DNAH6: variants seen among roughly 807,000 people sequenced by gnomAD.
DNAH6 encodes the protein dynein axonemal heavy chain 6.
DNAH6 carries 340 observed loss-of-function variants against 491.4 expected under a neutral mutation model. The ratio of observed to expected loss-of-function variants is 0.69; its 90% CI spans 0.63 to 0.76. The LOEUF is 0.76. DNAH6 is among the 30% of genes least tolerant of loss of function. DNAH6 has a pLI of 0.00. For missense variants in DNAH6, 4,443 were observed against 4,972.2 expected (o/e 0.89, Z 3.20); for synonymous variants, 1,603 against 1,686.1 (o/e 0.95, Z 1.21).
At chr2:84,481,929 C>G in the DNAH6 span, among the ~76,000 whole-genome samples, 5 of 152,174 alleles carry the variant, frequency 3.3e-5, no homozygotes, top group African/African-American at 1.2e-4. Context: ...TTCTGTGACC[C>G]ACTCTGTTCT....
rs151302013 is a variant in DNAH6 at position 84,596,048 on chromosome 2, G to A, written c.2868+259G>A. Among the ~76,000 whole-genome samples, 52 of 152,276 alleles carry A rather than the reference G, an allele frequency of 3.4e-4. 1 individual carries two copies. The highest frequency in any genetic ancestry group is 1.2e-3 in the African/African-American group (51 of 41,552). ...TGGTAAGGGAAATAGTGCAGGAATA[G>A]GTTGTAGTTATGCTAAGATACTGAT... On this transcript the variant is annotated intron_variant, in intron 18 of 76. Coordinates refer to ENST00000389394, the MANE Select transcript of DNAH6 (RefSeq NM_001370.2).
At chr2:84,539,729 A>C (rs1678056325) in intron 4 of DNAH6, among the ~76,000 whole-genome samples, 1 of 152,140 alleles carries the variant, frequency 6.6e-6, no homozygotes, top group African/African-American at 2.4e-5. Context: ...TACATTGAGA[A>C]ACATTGACCA....
chr2:84,507,868 T>C, the DNAH6 span, among the ~76,000 whole-genome samples: 1 of 152,240 alleles, frequency 6.6e-6, no homozygotes, highest in Non-Finnish European at 1.5e-5. Flanking sequence ...CTGGATTACA[T>C]TTATTGATTT....
chr2:84,602,303 G>A (rs1275723619), intron 18 of DNAH6, among the ~76,000 whole-genome samples: 2 of 151,812 alleles, frequency 1.3e-5, no homozygotes, highest in Admixed American at 1.3e-4. Flanking sequence ...TTTATTTTGA[G>A]GAAGTCTTTA....
At chr2:84,590,936 G>C (rs1398724481) in intron 16 of DNAH6, among the ~76,000 whole-genome samples, 1 of 152,166 alleles carries the variant, frequency 6.6e-6, no homozygotes, top group Non-Finnish European at 1.5e-5. Flanking sequence ...AGGTCCCCAG[G>C]TTGGAACCGC....
chr2:84,468,093 A>G, the DNAH6 span, among the ~76,000 whole-genome samples: 2 of 152,238 alleles, frequency 1.3e-5, no homozygotes, highest in Non-Finnish European at 2.9e-5. Flanking sequence ...TATTTTATCA[A>G]TAGTTTTTAA....
At chr2:84,518,172 A>G (rs1675772858) in intron 2 of DNAH6, 121 bp downstream of exon 2, 1 of 695,130 alleles carries the variant, frequency 1.4e-6, no homozygotes, top group South Asian at 2.0e-5. Flanking sequence ...AAGCTAAAAG[A>G]TAATAACTGC....
At chr2:84,699,880 A>G in intron 48 of DNAH6, 146 bp downstream of exon 48, 2 of 773,830 alleles carry the variant, frequency 2.6e-6, no homozygotes, top group Non-Finnish European at 3.8e-6. Flanking sequence ...TGACCGTGAC[A>G]ATCATAGAAC....
chr2:84,632,019 A>C (rs796785671), intron 29 of DNAH6, among the ~76,000 whole-genome samples: 1 of 152,114 alleles, frequency 6.6e-6, no homozygotes, highest in Non-Finnish European at 1.5e-5. Context: ...GGTAAACCCA[A>C]TTGCGTCTGA....
intron 18 of DNAH6, among the ~76,000 whole-genome samples, chr2:84,602,797 G>GTTTTTTTTTTTTTTTT (rs70949898): frequency 1.6e-5 from 2 of 121,870 alleles, no homozygotes; most frequent in African/African-American, 3.2e-5. Flanking sequence ...TGGATGCTCT[G>GTTTTTTTTTTTTTTTT]TTTTTTTTTT....
At chr2:84,742,733 C>T (rs1026526056) in intron 62 of DNAH6, among the ~76,000 whole-genome samples, 3 of 151,854 alleles carry the variant, frequency 2.0e-5, no homozygotes, top group Non-Finnish European at 4.4e-5. Flanking sequence ...TTCCTTTCTT[C>T]TTCAGTTGCA....
chr2:84,744,681 G>T (rs1034119070), intron 62 of DNAH6, among the ~76,000 whole-genome samples: 39 of 151,810 alleles, frequency 2.6e-4, no homozygotes, highest in African/African-American at 9.4e-4. Context: ...ATTTTATTAT[G>T]TTTTTATTAT....
intron 24 of DNAH6, 54 bp downstream of exon 24, chr2:84,619,958 G>T: frequency 7.1e-7 from 1 of 1,411,454 alleles, no homozygotes; most frequent in East Asian, 2.5e-5. Context: ...ACTCCTCTAG[G>T]GTTATTCTCA....
intron 72 of DNAH6, among the ~76,000 whole-genome samples, chr2:84,811,859 CAAAAA>C (rs34583430): frequency 1.9e-5 from 2 of 104,976 alleles, no homozygotes; most frequent in African/African-American, 6.5e-5. Flanking sequence ...GATTCTGTCT[CAAAAA>C]AAAAAAAAAA....
rs191349437 is a variant in DNAH6, at chr2:84,801,663, C to T, written c.11482-4002C>T. Reference sequence around the variant, plus strand: ...CTTTGAGAGGCTGAGGCAAGTGGTTCGCCTCAGCTCAGGAGTTCCAGACCA... The same window carrying T: ...CTTTGAGAGGCTGAGGCAAGTGGTTTGCCTCAGCTCAGGAGTTCCAGACCA... On this transcript the variant is annotated intron_variant, in intron 70 of 76. Transcript: ENST00000389394. Among the ~76,000 whole-genome samples, 452 of 152,098 alleles carry T rather than the reference C, an allele frequency of 3.0e-3. 3 individuals carry two copies. The highest frequency in any genetic ancestry group is 0.011 in the African/African-American group (440 of 41,478).
At chr2:84,792,518 G>A (rs779610211) in intron 68 of DNAH6, among the ~76,000 whole-genome samples, 1 of 152,134 alleles carries the variant, frequency 6.6e-6, no homozygotes, top group Non-Finnish European at 1.5e-5. Context: ...CATTAATTAT[G>A]TGCAGTTTTT....
chr2:84,799,411 G>T (rs1017301652), intron 70 of DNAH6, among the ~76,000 whole-genome samples: 1 of 152,240 alleles, frequency 6.6e-6, no homozygotes, highest in African/African-American at 2.4e-5. Flanking sequence ...GACAAGCCTA[G>T]CTGGTTGGGC....
chr2:84,585,110 C>G (rs74533280), intron 15 of DNAH6, among the ~76,000 whole-genome samples: 4,361 of 152,220 alleles, frequency 0.029, 225 homozygotes, highest in African/African-American at 0.099. Flanking sequence ...AAGCAGTGTT[C>G]GAAGGACTTG....
intron 3 of DNAH6, among the ~76,000 whole-genome samples, chr2:84,528,202 C>G (rs1190711698): frequency 6.6e-6 from 1 of 152,060 alleles, no homozygotes; most frequent in Non-Finnish European, 1.5e-5. Flanking sequence ...CAAGTGTAGT[C>G]CATGGTCAGC....
Sources: gnomAD v4.1 joint callset for allele counts (sites outside exome capture counted in the v4.1 genomes callset) on GRCh38, gnomAD v4.1.1 for gene constraint, MANE v1.5 for transcripts, NCBI Gene and HGNC (gene_info 2026-07-23, HGNC 2026-07-21) for gene names.